Variants in NHS observed in about 807,000 individuals in gnomAD.
The protein encoded by NHS is NHS actin remodeling regulator, also known as actin remodeling regulator NHS.
Under a neutral mutation model 72.5 loss-of-function variants are expected in NHS, and 5 were observed. The ratio of observed to expected loss-of-function variants is 0.07; its 90% CI spans 0.04 to 0.14. NHS has a LOEUF of 0.14. Ranked by LOEUF, NHS falls within the 10% of genes least tolerant of loss-of-function variation. The pLI is 1.00. For synonymous variants in NHS, 464 were observed against 547.7 expected (o/e 0.85, Z 2.13); for missense variants, 1,072 against 1,355.7 (o/e 0.79, Z 3.29).
intron 1 of NHS, among the ~76,000 whole-genome samples, chrX:17,569,636 A>G (rs1380924317): frequency 8.9e-6 from 1 of 111,754 alleles, no homozygotes; most frequent in African/African-American, 3.3e-5. Context: ...CACTCTGATG[A>G]TAGTTTCTTT....
At chrX:17,385,575 A>G (rs1276022790) in intron 1 of NHS, among the ~76,000 whole-genome samples, 2 of 111,463 alleles carry the variant, frequency 1.8e-5, no homozygotes, top group Non-Finnish European at 3.8e-5. Context: ...GTGTGTTCTA[A>G]GCTTAATTGG....
At chrX:17,525,848 T>G (rs987499027) in intron 1 of NHS, among the ~76,000 whole-genome samples, 4 of 111,211 alleles carry the variant, frequency 3.6e-5, no homozygotes, top group African/African-American at 1.3e-4. Context: ...ACACTGGTTG[T>G]TACAGTTGCC....
intron 1 of NHS, among the ~76,000 whole-genome samples, chrX:17,432,442 C>G (rs2064698350): frequency 8.9e-6 from 1 of 112,652 alleles, no homozygotes; most frequent in Non-Finnish European, 1.9e-5. Context: ...GTTGAATGAA[C>G]AATGAATGAA....
intron 1 of NHS, among the ~76,000 whole-genome samples, chrX:17,489,153 G>A (rs899680325): frequency 8.9e-6 from 1 of 111,991 alleles, no homozygotes; most frequent in Non-Finnish European, 1.9e-5. Flanking sequence ...AGTATTCTAC[G>A]GTGTATATGT....
At chrX:17,425,554 A>G (rs1276206335) in intron 1 of NHS, among the ~76,000 whole-genome samples, 4 of 92,894 alleles carry the variant, frequency 4.3e-5, no homozygotes, top group Non-Finnish European at 4.3e-5. Context: ...AAAAAAAAAA[A>G]AAAAAAAAAA....
intron 1 of NHS, among the ~76,000 whole-genome samples, chrX:17,537,527 C>T (rs2065233148): frequency 8.9e-6 from 1 of 112,437 alleles, no homozygotes; most frequent in African/African-American, 3.2e-5. Flanking sequence ...AAATCAGACA[C>T]TTTGGAGGTG....
At chrX:17,621,316 G>A (rs1287226809) in intron 1 of NHS, among the ~76,000 whole-genome samples, 2 of 112,021 alleles carry the variant, frequency 1.8e-5, no homozygotes, top group Admixed American at 1.9e-4. Context: ...AAGAGTGAGT[G>A]TGCAGAGGAT....
chrX:17,409,515 T>C (rs1360416430), intron 1 of NHS, among the ~76,000 whole-genome samples: 1 of 110,927 alleles, frequency 9.0e-6, no homozygotes, highest in African/African-American at 3.3e-5. Flanking sequence ...GGTTATGCCA[T>C]GACAATAAAC....
chrX:17,391,590 A>T (rs1033361441), intron 1 of NHS, among the ~76,000 whole-genome samples: 1 of 112,129 alleles, frequency 8.9e-6, no homozygotes, highest in East Asian at 2.8e-4. Flanking sequence ...TGACTTCTGA[A>T]CCAGTGTAAA....
intron 1 of NHS, among the ~76,000 whole-genome samples, chrX:17,576,456 G>A (rs1355747085): frequency 1.8e-5 from 2 of 111,664 alleles, no homozygotes; most frequent in Non-Finnish European, 3.8e-5. Context: ...CCTGGCCAAA[G>A]GGTGAACTAT....
intron 1 of NHS, among the ~76,000 whole-genome samples, chrX:17,519,128 G>C (rs887479764): frequency 8.0e-5 from 9 of 111,834 alleles, no homozygotes; most frequent in Non-Finnish European, 1.5e-4. Context: ...TGTGCTGCAC[G>C]AATGCCTCCT....
At chrX:17,472,349 G>A (rs111791922) in intron 1 of NHS, among the ~76,000 whole-genome samples, 1,506 of 110,922 alleles carry the variant, frequency 0.014, 5 homozygotes, top group Non-Finnish European at 0.024. Flanking sequence ...CAGAGACAGA[G>A]AGAGACAGAG....
intron 1 of NHS, among the ~76,000 whole-genome samples, chrX:17,443,678 G>A (rs1207652447): frequency 8.9e-6 from 1 of 111,781 alleles, no homozygotes; most frequent in African/African-American, 3.3e-5. Flanking sequence ...GCTCCCTTGA[G>A]GTCTGGGCCC....
intron 1 of NHS, among the ~76,000 whole-genome samples, chrX:17,550,499 C>A (rs1362629311): frequency 8.9e-6 from 1 of 112,076 alleles, no homozygotes; most frequent in African/African-American, 3.2e-5. Flanking sequence ...ATGTCAGGGG[C>A]TGGTCTGCTG....
In NHS at chrX:17,460,279, AT is replaced by A. The variant is rs898811855; in HGVS notation, c.565+83961del. ...ACATGCCATAAAGCTCACCTATTTT[AT>A]TTTATTTATTTATTTATTTTTAATT... On this transcript the variant is annotated intron_variant, in intron 1 of 8. Transcript: ENST00000676302. Among the ~76,000 whole-genome samples the A allele has an allele frequency of 1.2e-4, 13 of 111,696 alleles. No individual in the cohort carries two copies. In the East Asian group the frequency reaches 2.8e-3, roughly 24 times the overall value.
At chrX:17,552,916 T>G (rs966071300) in intron 1 of NHS, among the ~76,000 whole-genome samples, 1 of 113,079 alleles carries the variant, frequency 8.8e-6, no homozygotes, top group African/African-American at 3.2e-5. Context: ...TGAGAAGCAC[T>G]GTTTCCAGAA....
chrX:17,696,952 C>G (rs2066234597), intron 3 of NHS, among the ~76,000 whole-genome samples: 1 of 111,343 alleles, frequency 9.0e-6, no homozygotes, highest in African/African-American at 3.3e-5. Context: ...TTCAGAAAGC[C>G]ACATGGAAGA....
At chrX:17,712,290 TACAC>T (rs1308908423) in intron 3 of NHS, among the ~76,000 whole-genome samples, 3 of 53,006 alleles carry the variant, frequency 5.7e-5, no homozygotes, top group South Asian at 1.3e-3. Flanking sequence ...TATATATATA[TACAC>T]ACACACACAC....
At chrX:17,472,610 G>A (rs927425094) in intron 1 of NHS, among the ~76,000 whole-genome samples, 11 of 112,311 alleles carry the variant, frequency 9.8e-5, no homozygotes, top group African/African-American at 3.6e-4. Context: ...AGAGTTCAAA[G>A]GTCAGTGTTT....
Sources: allele counts gnomAD v4.1 joint callset (sites outside exome capture counted in the v4.1 genomes callset), GRCh38; gene constraint gnomAD v4.1.1; transcripts MANE v1.5; gene names NCBI Gene and HGNC (gene_info 2026-07-23, HGNC 2026-07-21).